Variants in ATP8A1 observed in about 807,000 individuals in gnomAD.
ATP8A1 encodes ATPase phospholipid transporting 8A1.
A neutral mutation model predicts 177.7 loss-of-function variants in ATP8A1; 90 were observed. The ratio of observed to expected loss-of-function variants is 0.51; its 90% confidence interval spans 0.43 to 0.60. ATP8A1 has a LOEUF of 0.60. Among genes scored for constraint, ATP8A1 ranks in the 20% least tolerant of loss-of-function variants. The pLI, the probability that ATP8A1 is intolerant of heterozygous loss-of-function variation, is 0.00. For synonymous variants in ATP8A1, 493 were observed against 485.9 expected, an observed-to-expected ratio of 1.01 and a Z score of -0.19; for missense variants, 1,072 against 1,392.8, an observed-to-expected ratio of 0.77 and a Z score of 3.67.
intron 20 of ATP8A1, among the ~76,000 whole-genome samples, chr4:42,539,822 A>G (rs1233019769): frequency 1.3e-5 from 2 of 152,170 alleles, no homozygotes; most frequent in African/African-American, 2.4e-5. Flanking sequence ...AAAAACAAAC[A>G]TAAGACTCAA....
chr4:42,631,973 G>C (rs1738786096), intron 1 of ATP8A1, among the ~76,000 whole-genome samples: 1 of 152,094 alleles, frequency 6.6e-6, no homozygotes, highest in Non-Finnish European at 1.5e-5. Flanking sequence ...TCACATTTTC[G>C]ATTCTCCAAG....
intron 5 of ATP8A1, among the ~76,000 whole-genome samples, chr4:42,610,126 T>C (rs770271203): frequency 2.6e-4 from 40 of 151,980 alleles, no homozygotes; most frequent in Non-Finnish European, 4.4e-4. Flanking sequence ...CAAATGGCAT[T>C]TTGGAATCCC....
chr4:42,442,979 C>T (rs1716794931), intron 33 of ATP8A1, among the ~76,000 whole-genome samples: 1 of 152,128 alleles, frequency 6.6e-6, no homozygotes, highest in Non-Finnish European at 1.5e-5. Context: ...TTGACACTCC[C>T]CCATGAACAC....
chr4:42,634,432 C>T (rs1739068757), intron 1 of ATP8A1, among the ~76,000 whole-genome samples: 1 of 152,290 alleles, frequency 6.6e-6, no homozygotes, highest in Non-Finnish European at 1.5e-5. Flanking sequence ...GTAAATACAA[C>T]AAATAATTAA....
chr4:42,637,165 G>T (rs1325960062), intron 1 of ATP8A1: 1 of 518,942 alleles, frequency 1.9e-6, no homozygotes, highest in Non-Finnish European at 3.8e-6. Context: ...TGGCTTTTCT[G>T]ATCAACATGG....
intron 35 of ATP8A1, among the ~76,000 whole-genome samples, chr4:42,421,954 G>C (rs960447585): frequency 2.6e-5 from 4 of 151,378 alleles, no homozygotes; most frequent in Non-Finnish European, 4.4e-5. Flanking sequence ...TGGAGGGGGT[G>C]GTGTAAGGAA....
At chr4:42,563,304 C>T (rs993558377) in intron 15 of ATP8A1, among the ~76,000 whole-genome samples, 7 of 152,238 alleles carry the variant, frequency 4.6e-5, no homozygotes, top group South Asian at 4.2e-4. Context: ...TGTGGAACTT[C>T]GAACTTGAGA....
intron 5 of ATP8A1, among the ~76,000 whole-genome samples, chr4:42,611,679 T>C (rs945637006): frequency 2.0e-5 from 3 of 152,240 alleles, no homozygotes; most frequent in African/African-American, 7.2e-5. Context: ...ATTGACAAGC[T>C]AGCCATCATG....
At chr4:42,538,044 G>A (rs558513467) in intron 20 of ATP8A1, among the ~76,000 whole-genome samples, 45 of 152,136 alleles carry the variant, frequency 3.0e-4, no homozygotes, top group African/African-American at 1.0e-3. Context: ...TCACCAAAAC[G>A]GCATGGTAGT....
chr4:42,465,203 G>A, intron 25 of ATP8A1, 127 bp from the exon 26 acceptor site: 11 of 830,236 alleles, frequency 1.3e-5, no homozygotes, highest in Non-Finnish European at 2.0e-5. Flanking sequence ...TTATGATAAA[G>A]TTTTAGGTTT....
rs1003611095 is a variant in ATP8A1, at chr4:42,445,013, C to T, written c.2959-379G>A. ...TTTACCTTTATTTTAAATCTCCTTT[C>T]ATATTAAAAGTCCAACTTTCTGAAT... On this transcript the variant is annotated intron_variant, in intron 31 of 36. Coordinates refer to ENST00000381668, the MANE Select transcript of ATP8A1 (RefSeq NM_006095.2). 4.6e-5 allele frequency among the ~76,000 whole-genome samples: 7 copies of T among 152,302 alleles called. No homozygotes were observed. In the South Asian group the frequency reaches 6.2e-4, roughly 14 times the overall value.
rs567011901 is a variant in ATP8A1 at position 42,650,896 on chromosome 4, T to C, written c.49+5929A>G. On this transcript the variant is annotated intron_variant, in intron 1 of 36. Transcript: ENST00000381668. ...AATCTGAGAACTTCACTGTGACTGA[T>C]TCTGTTGTCTGCCTGATATAGTTTG... Among the ~76,000 whole-genome samples, 12 of 152,220 alleles carry C rather than the reference T, an allele frequency of 7.9e-5. No individual in the cohort carries two copies. In the East Asian group the frequency reaches 1.7e-3, roughly 22 times the overall value.
intron 1 of ATP8A1, among the ~76,000 whole-genome samples, chr4:42,634,446 C>T (rs1739069913): frequency 6.6e-6 from 1 of 152,188 alleles, no homozygotes; most frequent in South Asian, 2.1e-4. Flanking sequence ...TAATTAACCA[C>T]TTAATGAATA....
At chr4:42,516,378 A>T (rs1299937575) in intron 22 of ATP8A1, among the ~76,000 whole-genome samples, 2 of 152,220 alleles carry the variant, frequency 1.3e-5, no homozygotes, top group East Asian at 3.8e-4. Flanking sequence ...AACAGATAAA[A>T]GCATTGGATA....
At chr4:42,578,483 C>G in intron 11 of ATP8A1, 96 bp from the exon 12 acceptor site, 1 of 1,356,844 alleles carries the variant, frequency 7.4e-7, no homozygotes, top group East Asian at 2.4e-5. Flanking sequence ...TACTACGCAG[C>G]TTATTTGATA....
chr4:42,422,079 G>C (rs917432061), intron 35 of ATP8A1, among the ~76,000 whole-genome samples: 3 of 152,018 alleles, frequency 2.0e-5, no homozygotes, highest in Non-Finnish European at 4.4e-5. Flanking sequence ...ATCAAACTAT[G>C]ATTTTGATTA....
intron 20 of ATP8A1, among the ~76,000 whole-genome samples, chr4:42,539,390 AAAATAC>A (rs1728159810): frequency 1.1e-5 from 1 of 88,200 alleles, no homozygotes; most frequent in Non-Finnish European, 2.6e-5. Flanking sequence ...AAAATAAAAT[AAAATAC>A]CCCCCCCCCA....
At chr4:42,420,917 C>T (rs1391298819) in intron 35 of ATP8A1, among the ~76,000 whole-genome samples, 5 of 152,056 alleles carry the variant, frequency 3.3e-5, no homozygotes, top group East Asian at 1.9e-4. Flanking sequence ...TACAGGCGCC[C>T]GCCACCACGC....
At chr4:42,591,886 T>C (rs781335490) in intron 6 of ATP8A1, among the ~76,000 whole-genome samples, 5 of 152,174 alleles carry the variant, frequency 3.3e-5, no homozygotes, top group African/African-American at 4.8e-5. Context: ...TGCTAAGTGG[T>C]TGCTCACTTG....
Sources: gnomAD v4.1 joint callset for allele counts (sites outside exome capture counted in the v4.1 genomes callset) on GRCh38, gnomAD v4.1.1 for gene constraint, MANE v1.5 for transcripts, NCBI Gene and HGNC (gene_info 2026-07-23, HGNC 2026-07-21) for gene names.